PDLIM1: variants seen among roughly 807,000 people sequenced by gnomAD.
PDLIM1 encodes the protein PDZ and LIM domain protein 1.
A neutral mutation model predicts 35.2 loss-of-function variants in PDLIM1; 25 were observed. That is an observed-to-expected ratio of 0.71 (90% confidence interval 0.52 to 0.99). The LOEUF (loss-of-function observed/expected upper bound fraction) is 0.99. PDLIM1 is among the 50% of genes least tolerant of loss of function. PDLIM1 has a pLI of 0.00. For synonymous variants in PDLIM1, 152 were observed against 154.0 expected (o/e 0.99, Z 0.10); for missense variants, 363 against 415.3 (o/e 0.87, Z 1.09).
chr10:95,289,500 T>C (rs1411927051), intron 1 of PDLIM1, among the ~76,000 whole-genome samples: 4 of 151,990 alleles, frequency 2.6e-5, no homozygotes, highest in African/African-American at 9.7e-5. Flanking sequence ...GGGGGTGAGA[T>C]AGAGAAGACC....
chr10:95,284,974 T>C (rs1278431240), intron 1 of PDLIM1, among the ~76,000 whole-genome samples: 1 of 152,206 alleles, frequency 6.6e-6, no homozygotes, highest in Non-Finnish European at 1.5e-5. Context: ...TTACCTTTTT[T>C]GTCTTAGGTT....
intron 5 of PDLIM1, among the ~76,000 whole-genome samples, chr10:95,242,363 A>G (rs934529555): frequency 6.6e-6 from 1 of 151,298 alleles, no homozygotes; most frequent in Non-Finnish European, 1.5e-5. Flanking sequence ...TTTTTTCATG[A>G]TTATTGAGTT....
At chr10:95,286,688 T>C (rs1249207956) in intron 1 of PDLIM1, among the ~76,000 whole-genome samples, 2 of 152,260 alleles carry the variant, frequency 1.3e-5, no homozygotes, top group African/African-American at 2.4e-5. Context: ...GTCTCTATCC[T>C]ATCCTTTACA....
intron 4 of PDLIM1, among the ~76,000 whole-genome samples, chr10:95,261,369 C>T (rs989018048): frequency 1.3e-5 from 2 of 152,136 alleles, no homozygotes; most frequent in Non-Finnish European, 2.9e-5. Flanking sequence ...TGTTCTCAGC[C>T]TCCCCAGCAC....
intron 4 of PDLIM1, among the ~76,000 whole-genome samples, chr10:95,256,804 T>A (rs1240645756): frequency 6.6e-6 from 1 of 151,352 alleles, no homozygotes; most frequent in Admixed American, 6.6e-5. Flanking sequence ...AAACTCCATC[T>A]CTACCAAAAA....
chr10:95,273,702 T>G (rs1205930921), intron 1 of PDLIM1, among the ~76,000 whole-genome samples: 1 of 152,184 alleles, frequency 6.6e-6, no homozygotes, highest in Non-Finnish European at 1.5e-5. Context: ...GATCGTCCCC[T>G]CATCCAGCCA....
At chr10:95,243,896 G>C (rs780519891) in intron 5 of PDLIM1, among the ~76,000 whole-genome samples, 1 of 152,016 alleles carries the variant, frequency 6.6e-6, no homozygotes, top group Non-Finnish European at 1.5e-5. Context: ...AAGGTATTTA[G>C]AGTAGTCAAA....
chr10:95,242,845 C>A (rs2035189942), intron 5 of PDLIM1, among the ~76,000 whole-genome samples: 1 of 152,210 alleles, frequency 6.6e-6, no homozygotes, highest in Non-Finnish European at 1.5e-5. Flanking sequence ...ATGAAGCCAT[C>A]TGGCTGCCTG....
At chr10:95,258,699 G>A (rs1286016396) in intron 4 of PDLIM1, among the ~76,000 whole-genome samples, 2 of 152,074 alleles carry the variant, frequency 1.3e-5, no homozygotes, top group African/African-American at 2.4e-5. Context: ...GTTTTTCAAT[G>A]GGTACAGAAT....
chr10:95,279,743 G>A (rs1235679315), intron 1 of PDLIM1, among the ~76,000 whole-genome samples: 5 of 152,158 alleles, frequency 3.3e-5, no homozygotes, highest in Non-Finnish European at 7.3e-5. Context: ...AAGCAGAAAT[G>A]GATGCAGCAA....
intron 4 of PDLIM1, chr10:95,247,612 A>C (rs1274811420): frequency 2.6e-6 from 1 of 387,572 alleles, no homozygotes. Context: ...TAGCTCAATT[A>C]CTTTTTGGCC....
At chr10:95,253,149 G>GA (rs1348647537) in intron 4 of PDLIM1, among the ~76,000 whole-genome samples, 1 of 152,114 alleles carries the variant, frequency 6.6e-6, no homozygotes, top group Non-Finnish European at 1.5e-5. Flanking sequence ...GCCTTATCTA[G>GA]AGGGGAAAAC....
chr10:95,282,066 C>T (rs945902617), intron 1 of PDLIM1, among the ~76,000 whole-genome samples: 1 of 152,146 alleles, frequency 6.6e-6, no homozygotes, highest in African/African-American at 2.4e-5. Flanking sequence ...GCCTAAATAA[C>T]GATAGTAATA....
chr10:95,260,502 C>A (rs1458194879), intron 4 of PDLIM1, among the ~76,000 whole-genome samples: 2 of 152,142 alleles, frequency 1.3e-5, no homozygotes, highest in Non-Finnish European at 2.9e-5. Flanking sequence ...TTATGCTGAA[C>A]TGACCTAGAG....
At position 95,268,846 on chromosome 10, in the gene PDLIM1, A is replaced by C. The variant is rs760107687; in HGVS notation, c.265T>G (p.Trp89Gly). 1 of 1,610,422 alleles carries C rather than the reference A, an allele frequency of 6.2e-7. No individual in the cohort carries two copies. Among genetic ancestry groups the C allele is most frequent in the Non-Finnish European group, 8.5e-7 (1 of 1,176,568 alleles). The change falls in exon 3 of 7, where the codon TGG becomes GGG. Residue 89 changes from tryptophan (W) to glycine (G), a missense_variant. Physicochemically the swap from Trp to Gly is radical, Grantham distance 184 (BLOSUM62 -2). Coordinates refer to ENST00000329399, the MANE Select transcript of PDLIM1 (RefSeq NM_020992.4). Reference protein sequence around the residue: ...LTVARSEHKVWSPLVTEEGKR... With the variant: ...LTVARSEHKVGSPLVTEEGKR... ...CCTTCCTCCGTCACCAGAGGAGACC[A>C]GACTTTATGTTCAGATCTGCAACAG...
intron 4 of PDLIM1, among the ~76,000 whole-genome samples, chr10:95,256,973 T>A (rs1049957679): frequency 1.4e-4 from 1 of 7,084 alleles, no homozygotes; most frequent in Admixed American, 1.7e-3. Context: ...AGACTTCATC[T>A]TAAAAAAAAA....
chr10:95,289,688 T>TC (rs1405894605), intron 1 of PDLIM1, among the ~76,000 whole-genome samples: 1 of 152,016 alleles, frequency 6.6e-6, no homozygotes, highest in Non-Finnish European at 1.5e-5. Flanking sequence ...TCTCCACCCT[T>TC]CCCCCAACCC....
At chr10:95,263,177 C>A (rs942155588) in intron 4 of PDLIM1, among the ~76,000 whole-genome samples, 1 of 151,788 alleles carries the variant, frequency 6.6e-6, no homozygotes, top group East Asian at 1.9e-4. Flanking sequence ...AAGGCAGCTG[C>A]AGCCAGATGA....
intron 4 of PDLIM1, among the ~76,000 whole-genome samples, chr10:95,260,462 C>T (rs45518536): frequency 0.062 from 9,441 of 152,240 alleles, 399 homozygotes; most frequent in South Asian, 0.18. Context: ...TCTTCGCCCA[C>T]CTGGTACACA....
Sources: allele counts gnomAD v4.1 joint callset (sites outside exome capture counted in the v4.1 genomes callset), GRCh38; gene constraint gnomAD v4.1.1; transcripts MANE v1.5; gene names NCBI Gene and HGNC (gene_info 2026-07-23, HGNC 2026-07-21).